CEP164: variants seen among roughly 807,000 people sequenced by gnomAD.
CEP164 encodes centrosomal protein of 164 kDa.
In CEP164, 162 loss-of-function variants were observed where a neutral mutation model predicts 182.7. That is an observed-to-expected ratio of 0.89 (90% CI 0.78 to 1.01). CEP164 has a LOEUF of 1.01. CEP164 is among the 50% of genes least tolerant of loss of function. The pLI is 0.00. For synonymous variants in CEP164, 661 were observed against 690.0 expected (o/e 0.96, Z 0.66); for missense variants, 1,735 against 1,790.4 (o/e 0.97, Z 0.56).
intron 4 of CEP164, 112 bp from the exon 5 acceptor site, chr11:117,351,678 C>A: frequency 1.1e-5 from 10 of 935,466 alleles, no homozygotes; most frequent in Admixed American, 2.3e-5. Flanking sequence ...TTTTCCACCC[C>A]ACTCTCTTCC....
At chr11:117,325,139 C>T (rs778082388), upstream of CEP164, among the ~76,000 whole-genome samples, 7 of 152,166 alleles carry the variant, frequency 4.6e-5, no homozygotes, top group Middle Eastern at 3.4e-3. Flanking sequence ...GGCTGGAGTG[C>T]GGTGGCGTGA....
chr11:117,375,631 T>C, intron 10 of CEP164, 77 bp from the exon 11 acceptor site: 1 of 1,133,308 alleles, frequency 8.8e-7, no homozygotes, highest in Non-Finnish European at 1.3e-6. Flanking sequence ...GAAAGTGGAG[T>C]TGGGGTAGTG....
rs115323872 is a variant in CEP164 at position 117,386,860 on chromosome 11, A to G, written c.1725-343A>G. The G allele has an allele frequency of 1.5e-3, 406 of 263,002 alleles. 3 individuals carry two copies. Among genetic ancestry groups the G allele is most frequent in the African/African-American group, 8.4e-3 (381 of 45,366 alleles). 16.3% of individuals were successfully genotyped at this position (263,002 alleles called of 1,614,324 possible). A position where few individuals can be genotyped will look rare whatever the true frequency, so the allele number is the denominator to read the frequency against. On this transcript the variant is annotated intron_variant, in intron 14 of 32. Coordinates refer to ENST00000278935, the MANE Select transcript of CEP164 (RefSeq NM_014956.5). Reference sequence around the variant, plus strand: ...GGGCTGTGAGCCATTCTAGGAAGGAATCCATTAGGGACAGAGCTTCACTCT... The same window carrying G: ...GGGCTGTGAGCCATTCTAGGAAGGAGTCCATTAGGGACAGAGCTTCACTCT...
At chr11:117,356,273 A>G in intron 5 of CEP164, 2 of 1,102,344 alleles carry the variant, frequency 1.8e-6, no homozygotes, top group Non-Finnish European at 2.2e-6. Context: ...GATGGTCAAG[A>G]TCTCCAGGTG....
chr11:117,374,095 A>T (rs1309087473), intron 10 of CEP164, among the ~76,000 whole-genome samples: 1 of 152,048 alleles, frequency 6.6e-6, no homozygotes, highest in Non-Finnish European at 1.5e-5. Context: ...ATATATAATA[A>T]CATTAAAATG....
At position 117,361,966 on chromosome 11, in the gene CEP164, T is replaced by G. The variant is rs2041034866; in HGVS notation, c.525T>G (p.Ser175=). The change falls in exon 6 of 33, where the codon TCT becomes TCG. Residue 175 remains serine (S), a synonymous_variant. Coordinates refer to ENST00000278935, the MANE Select transcript of CEP164 (RefSeq NM_014956.5). ...QSVSLGSSVE[S]GRQLGELMLP... ...TGAGCCTGGGGAGCTCAGTGGAGTC[T>G]GGACGTCAGCTTGGAGAACTCATGC... The G allele has an allele frequency of 6.3e-7, 1 of 1,588,014 alleles. No individual in the cohort carries two copies. The highest frequency in any genetic ancestry group is 1.4e-5 in the African/African-American group (1 of 73,324).
intron 9 of CEP164, among the ~76,000 whole-genome samples, chr11:117,373,308 A>G (rs1833851849): frequency 2.0e-5 from 3 of 151,802 alleles, no homozygotes; most frequent in African/African-American, 7.3e-5. Context: ...TGGAGGCTGC[A>G]GTGAGTGGAG....
intron 1 of CEP164, among the ~76,000 whole-genome samples, chr11:117,328,722 C>T (rs2035715531): frequency 6.6e-6 from 1 of 152,218 alleles, no homozygotes; most frequent in Non-Finnish European, 1.5e-5. Context: ...TCACCATTCA[C>T]TCAGCCAAGT....
Position 117,409,125 on chromosome 11 carries a change from G to C in CEP164, c.3748+97G>C, listed in dbSNP as rs2047030544. 1 of 1,511,548 alleles carries C rather than the reference G, an allele frequency of 6.6e-7. No homozygotes were observed. Among genetic ancestry groups the C allele is most frequent in the African/African-American group, 1.4e-5 (1 of 72,908 alleles). 93.6% of individuals were successfully genotyped at this position (1,511,548 alleles called of 1,614,324 possible). On this transcript the variant is annotated intron_variant, in intron 29 of 32. Transcript: ENST00000278935. The surrounding 1 kb of genome is among the most constrained non-coding windows in gnomAD (Gnocchi z 4.4). Reference sequence around the variant, plus strand: ...AGCTCTCTTCCCTCAGCCCTGCAGAGGGAGGCCTCTGTGAGCCGGTGTCTG... The same window carrying C: ...AGCTCTCTTCCCTCAGCCCTGCAGACGGAGGCCTCTGTGAGCCGGTGTCTG...
At chr11:117,344,929 A>G (rs78864814) in intron 4 of CEP164, among the ~76,000 whole-genome samples, 1 of 151,138 alleles carries the variant, frequency 6.6e-6, no homozygotes, top group Non-Finnish European at 1.5e-5. Flanking sequence ...CTCCATCTCA[A>G]AAAAAAAAAC....
chr11:117,339,204 G>A (rs2037686310), intron 3 of CEP164, among the ~76,000 whole-genome samples: 1 of 152,176 alleles, frequency 6.6e-6, no homozygotes, highest in African/African-American at 2.4e-5. Context: ...TGCTACAGCT[G>A]CAGAGATATG....
intron 1 of CEP164, among the ~76,000 whole-genome samples, chr11:117,330,788 T>C (rs150299731): frequency 1.7e-3 from 254 of 152,352 alleles, no homozygotes; most frequent in African/African-American, 5.9e-3. Flanking sequence ...TAATGTAATG[T>C]CTAACATTTA....
At chr11:117,337,819 T>C (rs2037434767) in intron 2 of CEP164, among the ~76,000 whole-genome samples, 1 of 152,206 alleles carries the variant, frequency 6.6e-6, no homozygotes. Context: ...GAGCCCTCAG[T>C]GACTCCCCTC....
rs1277555628 is a variant in CEP164, at chr11:117,381,745, C to T, written c.1454C>T (p.Pro485Leu). ...CACGAGGAGCGGGCCCAGAGTCCCC[C>T]TCGCAGCCTGGCCACTGAAGAAGAG... The part of the protein sequence containing the change: ...LPHEERAQSP[P>L]RSLATEEEPP... The change falls in exon 13 of 33, where the codon CCT becomes CTT. Residue 485 changes from proline to leucine, a missense_variant. Physicochemically the swap from Pro to Leu is moderately conservative, Grantham distance 98. Transcript: ENST00000278935. 1 of 1,609,784 alleles carries T rather than the reference C, an allele frequency of 6.2e-7. No homozygotes were observed. Among genetic ancestry groups the T allele is most frequent in the Non-Finnish European group, 8.5e-7 (1 of 1,178,238 alleles).
intron 17 of CEP164, 50 bp from the exon 18 acceptor site, chr11:117,392,176 A>G (rs2044738803): frequency 2.0e-6 from 3 of 1,483,546 alleles, no homozygotes; most frequent in Non-Finnish European, 2.7e-6. Context: ...GCCTCCCACC[A>G]TGATCAGTAC....
intron 1 of CEP164, among the ~76,000 whole-genome samples, chr11:117,328,767 C>G (rs1405766244): frequency 6.6e-6 from 1 of 152,214 alleles, no homozygotes; most frequent in East Asian, 1.9e-4. Flanking sequence ...ATAAATACAG[C>G]AAACATTTGT....
intron 17 of CEP164, among the ~76,000 whole-genome samples, 173 bp downstream of exon 17, chr11:117,391,388 G>C (rs1371991727): frequency 6.6e-6 from 1 of 152,040 alleles, no homozygotes; most frequent in Non-Finnish European, 1.5e-5. Flanking sequence ...ATGACCACCT[G>C]GGCCCATTAC....
At chr11:117,367,922 G>A (rs976186867) in intron 8 of CEP164, among the ~76,000 whole-genome samples, 1 of 152,132 alleles carries the variant, frequency 6.6e-6, no homozygotes, top group Non-Finnish European at 1.5e-5. Context: ...CATTTAATAA[G>A]CACTGTAATA....
Position 117,395,702 on chromosome 11 carries a change from G to C in CEP164, c.3069G>C (p.Gln1023His), listed in dbSNP as rs1281977880. 1.9e-6 allele frequency: 3 copies of C among 1,611,904 alleles called. No homozygotes were observed. In the African/African-American group the frequency reaches 4.0e-5, roughly 22 times the overall value. ...TGGATCTGCTGCAGGCTCAGAGCCA[G>C]CAACTGCAGAAACACTTCAGGTGGC... ...SQVDLLQAQS[Q>H]QLQKHFSSLE... Residue 1023 changes from glutamine to histidine, a missense_variant, in exon 24 of 33, where the codon CAG becomes CAC. Physicochemically the swap from Gln to His is conservative, Grantham distance 24. Transcript: ENST00000278935.
Sources: gnomAD v4.1 joint callset for allele counts (sites outside exome capture counted in the v4.1 genomes callset) on GRCh38, gnomAD v4.1.1 for gene constraint, Gnocchi (gnomAD v3.1) non-coding constraint, MANE v1.5 for transcripts, NCBI Gene and HGNC (gene_info 2026-07-23, HGNC 2026-07-21) for gene names.